The following NCKAP5 variants were observed in gnomAD, a reference collection of about 807,000 sequenced individuals.
NCKAP5 encodes the protein NCK associated protein 5.
NCKAP5 carries 92 observed loss-of-function variants against 167.0 expected under a neutral mutation model. The observed-to-expected ratio is 0.55, with a 90% CI of 0.47 to 0.66. The LOEUF (loss-of-function observed/expected upper bound fraction) is 0.66. Among genes scored for constraint, NCKAP5 ranks in the 30% least tolerant of loss-of-function variants. The pLI, the probability that NCKAP5 is intolerant of heterozygous loss-of-function variation, is 0.00. For synonymous variants in NCKAP5, 891 were observed against 877.4 expected, an observed-to-expected ratio of 1.02 and a Z score of -0.27; for missense variants, 2,378 against 2,315.0, an observed-to-expected ratio of 1.03 and a Z score of -0.56.
chr2:133,376,702 A>C lies in NCKAP5; in HGVS notation c.70-73592T>G, dbSNP rs1182212163. On this transcript the variant is annotated intron_variant, in intron 3 of 19. Coordinates refer to ENST00000409261, the MANE Select transcript of NCKAP5 (RefSeq NM_207363.3). Reference sequence around the variant, plus strand: ...CCCCTGTCTACAAAATAAAATGGAGAGCATTTGGGCCCTATGTGCCTTTCC... The same window carrying C: ...CCCCTGTCTACAAAATAAAATGGAGCGCATTTGGGCCCTATGTGCCTTTCC... Among the ~76,000 whole-genome samples, 3 of 152,194 alleles carry C rather than the reference A, an allele frequency of 2.0e-5. No homozygotes were observed. The South Asian group carries it at 6.2e-4, about 32-fold the overall frequency.
At chr2:133,604,516 T>C in the NCKAP5 span, among the ~76,000 whole-genome samples, 1 of 152,128 alleles carries the variant, frequency 6.6e-6, no homozygotes, top group African/African-American at 2.4e-5. Flanking sequence ...AGATGTTACA[T>C]AATTAAAATT....
intron 19 of NCKAP5, among the ~76,000 whole-genome samples, chr2:132,713,305 T>G (rs1263637216): frequency 6.6e-6 from 1 of 152,180 alleles, no homozygotes; most frequent in African/African-American, 2.4e-5. Context: ...GACTGCTGAA[T>G]ACTGAAGCAT....
At chr2:133,215,444 C>A (rs1342693937) in intron 4 of NCKAP5, among the ~76,000 whole-genome samples, 1 of 152,124 alleles carries the variant, frequency 6.6e-6, no homozygotes, top group Non-Finnish European at 1.5e-5. Flanking sequence ...ATCACATACT[C>A]CATACTCTAT....
At chr2:133,601,321 A>C in the NCKAP5 span, among the ~76,000 whole-genome samples, 2 of 152,252 alleles carry the variant, frequency 1.3e-5, no homozygotes, top group African/African-American at 2.4e-5. Context: ...ACCCAATTGA[A>C]GGAACAGGAA....
rs141411431 is a variant in NCKAP5, at chr2:133,382,841, G to A, written c.70-79731C>T. Among the ~76,000 whole-genome samples, 734 of 152,304 alleles carry A rather than the reference G, an allele frequency of 4.8e-3. 6 individuals carry two copies. The highest frequency in any genetic ancestry group is 0.017 in the Middle Eastern group (5 of 294). ...GTAGTCTGGAGAGTTCAGGACAGCA[G>A]GAGAGATGCTAGAATCTTTGTCCTC... On this transcript the variant is annotated intron_variant, in intron 3 of 19. Coordinates refer to ENST00000409261, the MANE Select transcript of NCKAP5 (RefSeq NM_207363.3).
chr2:132,924,526 AAAT>A (rs1695699531), intron 8 of NCKAP5, among the ~76,000 whole-genome samples: 1 of 152,188 alleles, frequency 6.6e-6, no homozygotes. Flanking sequence ...TCAAATCCTA[AAAT>A]ATTATTCTTA....
chr2:133,282,114 G>A (rs1418877254), intron 4 of NCKAP5, among the ~76,000 whole-genome samples: 1 of 152,204 alleles, frequency 6.6e-6, no homozygotes, highest in East Asian at 1.9e-4. Flanking sequence ...AGCCAAACTA[G>A]TTAATTAATG....
intron 4 of NCKAP5, among the ~76,000 whole-genome samples, chr2:133,257,500 T>C (rs185066486): frequency 1.6e-3 from 246 of 152,352 alleles, no homozygotes; most frequent in African/African-American, 5.7e-3. Context: ...CGATAACTAC[T>C]CTGATAAACA....
intron 6 of NCKAP5, among the ~76,000 whole-genome samples, chr2:133,094,104 A>C (rs2081273714): frequency 6.6e-6 from 1 of 152,246 alleles, no homozygotes; most frequent in African/African-American, 2.4e-5. Context: ...TTGCCAAGCA[A>C]TATGGAAGTA....
At chr2:132,933,331 A>G (rs1221220693) in intron 8 of NCKAP5, among the ~76,000 whole-genome samples, 1 of 152,166 alleles carries the variant, frequency 6.6e-6, no homozygotes, top group Non-Finnish European at 1.5e-5. Context: ...CCATTAGACC[A>G]TGAGTGAGGG....
chr2:133,498,593 A>G (rs1682189148), intron 3 of NCKAP5, among the ~76,000 whole-genome samples: 1 of 151,910 alleles, frequency 6.6e-6, no homozygotes, highest in Non-Finnish European at 1.5e-5. Context: ...GACAGGGAGA[A>G]GGGAAAAATG....
chr2:133,137,768 G>A (rs752729541), intron 5 of NCKAP5, among the ~76,000 whole-genome samples: 20 of 152,300 alleles, frequency 1.3e-4, no homozygotes, highest in Admixed American at 2.6e-4. Context: ...TAGGAATACC[G>A]CTCAAAATCC....
chr2:133,205,133 T>A (rs1465716699), intron 5 of NCKAP5, among the ~76,000 whole-genome samples: 2 of 151,618 alleles, frequency 1.3e-5, no homozygotes, highest in Middle Eastern at 3.4e-3. Flanking sequence ...TACAAAAAAA[T>A]TTAAAAAAAA....
In NCKAP5 at chr2:132,837,958, A is replaced by AGGTG. The variant is rs562120300; in HGVS notation, c.807+22530_807+22533dup. Among the ~76,000 whole-genome samples the AGGTG allele has an allele frequency of 1.4e-3, 211 of 152,242 alleles. 1 individual carries two copies. Among genetic ancestry groups the AGGTG allele is most frequent in the African/African-American group, 4.8e-3 (200 of 41,548 alleles). On this transcript the variant is annotated intron_variant, in intron 11 of 19. Transcript: ENST00000409261. ...TCTGGCAGCTGGACAGAAGAGGTGGAGGTGGGGAGGGGCCCCCTACAGGGC... is the reference window on the plus strand; with the variant it reads ...TCTGGCAGCTGGACAGAAGAGGTGGAGGTGGGTGGGGAGGGGCCCCCTACAGGGC...
At chr2:133,290,143 C>T (rs536693724) in intron 4 of NCKAP5, among the ~76,000 whole-genome samples, 6 of 152,258 alleles carry the variant, frequency 3.9e-5, no homozygotes, top group East Asian at 1.9e-4. Flanking sequence ...ATACCTTCTC[C>T]GTAAATACCA....
At chr2:132,687,376 G>C (rs1468704632) in intron 19 of NCKAP5, among the ~76,000 whole-genome samples, 1 of 152,096 alleles carries the variant, frequency 6.6e-6, no homozygotes, top group Admixed American at 6.5e-5. Context: ...CCAGAGGGAG[G>C]GTGAAAGAGG....
chr2:132,703,537 C>T (rs1465710055), intron 19 of NCKAP5, among the ~76,000 whole-genome samples: 1 of 152,112 alleles, frequency 6.6e-6, no homozygotes, highest in African/African-American at 2.4e-5. Context: ...TTTAAGGGAA[C>T]ATGAATATCA....
intron 3 of NCKAP5, among the ~76,000 whole-genome samples, chr2:133,444,383 GAT>G (rs1691055421): frequency 1.3e-5 from 2 of 150,090 alleles, no homozygotes; most frequent in African/African-American, 5.0e-5. Flanking sequence ...TAGATAGATA[GAT>G]AGATAGATAG....
chr2:132,989,326 C>T (rs2077386401), intron 7 of NCKAP5, among the ~76,000 whole-genome samples: 1 of 151,988 alleles, frequency 6.6e-6, no homozygotes, highest in Non-Finnish European at 1.5e-5. Context: ...AACATAAGTT[C>T]CCTAATTTAC....
Sources: allele counts gnomAD v4.1 joint callset (sites outside exome capture counted in the v4.1 genomes callset), GRCh38; gene constraint gnomAD v4.1.1; transcripts MANE v1.5; gene names NCBI Gene and HGNC (gene_info 2026-07-23, HGNC 2026-07-21).